Variants in LRRFIP2 observed in about 807,000 individuals in gnomAD.
LRRFIP2 encodes the protein LRR binding FLII interacting protein 2.
LRRFIP2 carries 109 observed loss-of-function variants against 125.9 expected under a neutral mutation model. The observed-to-expected ratio is 0.87, with a 90% CI of 0.74 to 1.01. LRRFIP2 has a LOEUF of 1.01. Among genes scored for constraint, LRRFIP2 ranks in the 50% least tolerant of loss-of-function variants. The pLI, the probability that LRRFIP2 is intolerant of heterozygous loss-of-function variation, is 0.00. For missense variants in LRRFIP2, 850 were observed against 862.3 expected, an observed-to-expected ratio of 0.99 and a Z score of 0.18; for synonymous variants, 291 against 293.1, an observed-to-expected ratio of 0.99 and a Z score of 0.07.
intron 4 of LRRFIP2, 81 bp from the exon 5 acceptor site, chr3:37,121,772 G>C: frequency 7.3e-7 from 1 of 1,366,514 alleles, no homozygotes; most frequent in South Asian, 1.2e-5. Flanking sequence ...AGAGCAGTCA[G>C]TTAACAGCAC....
chr3:37,092,839 CAATT>C (rs2093525082), intron 17 of LRRFIP2, among the ~76,000 whole-genome samples: 1 of 151,800 alleles, frequency 6.6e-6, no homozygotes, highest in African/African-American at 2.4e-5. Context: ...ACCCTACCGA[CAATT>C]TATTTTTTTT....
intron 15 of LRRFIP2, among the ~76,000 whole-genome samples, chr3:37,102,246 T>C (rs1464987495): frequency 6.6e-6 from 1 of 152,148 alleles, no homozygotes; most frequent in Non-Finnish European, 1.5e-5. Flanking sequence ...CAGATACATA[T>C]TGAACTATTT....
chr3:37,115,160 A>T (rs1266053288), intron 6 of LRRFIP2, 65 bp from the exon 7 acceptor site: 2 of 1,132,644 alleles, frequency 1.8e-6, no homozygotes, highest in Non-Finnish European at 2.6e-6. Context: ...GAAGAGAAGA[A>T]GTAATATTTG....
At chr3:37,115,119 G>T in intron 6 of LRRFIP2, 24 bp from the exon 7 acceptor site, 1 of 1,560,412 alleles carries the variant, frequency 6.4e-7, no homozygotes, top group Non-Finnish European at 8.8e-7. Flanking sequence ...AAACATGAAA[G>T]TTGGTTTGTT....
intron 1 of LRRFIP2, among the ~76,000 whole-genome samples, chr3:37,169,349 A>G (rs1306202615): frequency 3.3e-5 from 5 of 152,250 alleles, no homozygotes; most frequent in Non-Finnish European, 5.9e-5. Flanking sequence ...GAATCTGGCA[A>G]GACAAGAACA....
chr3:37,082,350 C>G (rs2092713634), intron 19 of LRRFIP2, among the ~76,000 whole-genome samples: 1 of 152,114 alleles, frequency 6.6e-6, no homozygotes. Flanking sequence ...ATCTAAATAC[C>G]AATCCTAAAT....
rs190438677 is a variant in LRRFIP2 at position 37,107,109 on chromosome 3, G to C, written c.714+964C>G. Among the ~76,000 whole-genome samples, 182 of 152,012 alleles carry C rather than the reference G, an allele frequency of 1.2e-3. 1 individual carries two copies. The highest frequency in any genetic ancestry group is 4.2e-3 in the African/African-American group (174 of 41,490). ...AGTAGAGGTGGGGTTTCACCATGTCGGTCAGGCTAGTCTCAAACTCCCGAT... is the reference window on the plus strand; with the variant it reads ...AGTAGAGGTGGGGTTTCACCATGTCCGTCAGGCTAGTCTCAAACTCCCGAT... On this transcript the variant is annotated intron_variant, in intron 13 of 27. Coordinates refer to ENST00000336686, the MANE Select transcript of LRRFIP2 (RefSeq NM_006309.4).
At chr3:37,068,730 A>C (rs1240979340) in intron 21 of LRRFIP2, 1 of 152,238 alleles carries the variant, frequency 6.6e-6, no homozygotes, top group African/African-American at 2.4e-5. Flanking sequence ...CCGGAAGCCA[A>C]AAGGATGTGT....
intron 21 of LRRFIP2, 57 bp from the exon 22 acceptor site, chr3:37,066,382 G>A (rs899971402): frequency 7.4e-7 from 1 of 1,342,842 alleles, no homozygotes; most frequent in African/African-American, 1.4e-5. Flanking sequence ...GCAGGTGAAA[G>A]GTAGCAGAGA....
rs572313666 is a variant in LRRFIP2 at position 37,139,841 on chromosome 3, A to G, written c.90+9053T>C. ...TCTCACCCTGGTCCAATTCTACCCTATCTTCTCTTTACAGCTAAGCTTTCT... is the reference window on the plus strand; with the variant it reads ...TCTCACCCTGGTCCAATTCTACCCTGTCTTCTCTTTACAGCTAAGCTTTCT... On this transcript the variant is annotated intron_variant, in intron 2 of 27. Transcript: ENST00000336686. 1.1e-4 allele frequency among the ~76,000 whole-genome samples: 17 copies of G among 152,176 alleles called. 1 individual carries two copies. In the South Asian group the frequency reaches 2.9e-3, roughly 26 times the overall value.
Position 37,053,881 on chromosome 3 carries a change from G to C in LRRFIP2, c.2136C>G (p.Ala712=), listed in dbSNP as rs144868848. Residue 712 remains alanine (A), a synonymous_variant, in exon 28 of 28, where the codon GCC becomes GCG. Coordinates refer to ENST00000336686, the MANE Select transcript of LRRFIP2 (RefSeq NM_006309.4). ...HLAKRLEKMK[A]NRTALLAQQ ...GCTGGGCCAGAAGTGCTGTCCTATT[G>C]GCCTTCATCTTCTCCAGCCGCTTGG... The C allele has an allele frequency of 2.5e-4, 406 of 1,613,968 alleles. 1 individual carries two copies. In the African/African-American group the frequency reaches 4.4e-3, roughly 18 times the overall value.
In LRRFIP2 at chr3:37,167,913, C is replaced by T. The variant is rs148088482; in HGVS notation, c.-56+6626G>A. The stretch of plus-strand genomic sequence containing the variant: ...AACACTTAAGCCCGGGAGGTCAAGG[C>T]TACAGTGAGCTGTGGTCGGGCCATT... On this transcript the variant is annotated intron_variant, in intron 1 of 27. Coordinates refer to ENST00000336686, the MANE Select transcript of LRRFIP2 (RefSeq NM_006309.4). Among the ~76,000 whole-genome samples the T allele has an allele frequency of 1.1e-4, 17 of 152,208 alleles. No individual in the cohort carries two copies. In the East Asian group the frequency reaches 3.3e-3, roughly 29 times the overall value.
chr3:37,066,948 T>C (rs2090284219), intron 21 of LRRFIP2: 1 of 152,344 alleles, frequency 6.6e-6, no homozygotes, highest in Non-Finnish European at 1.5e-5. Context: ...TGAGACTCAT[T>C]TGGCTTTCTG....
At position 37,060,290 on chromosome 3, in the gene LRRFIP2, T is replaced by TTTTTGTTTTG. The variant is rs146997502; in HGVS notation, c.1750-1390_1750-1381dup. ...GCTTCTGCAGCTCTCTCAAACACTG[T>TTTTTGTTTTG]TTTTGTTTTGTTTTGTTTTGTTTTG... On this transcript the variant is annotated intron_variant, in intron 24 of 27. Coordinates refer to ENST00000336686, the MANE Select transcript of LRRFIP2 (RefSeq NM_006309.4). The surrounding 1 kb of genome is among the most constrained non-coding windows in gnomAD (Gnocchi z 4.1). Among the ~76,000 whole-genome samples the TTTTTGTTTTG allele has an allele frequency of 2.0e-4, 30 of 151,800 alleles. No individual in the cohort carries two copies. The highest frequency in any genetic ancestry group is 3.2e-4 in the Non-Finnish European group (22 of 67,886).
upstream of LRRFIP2, chr3:37,175,282 A>G (rs911123033): frequency 6.6e-6 from 1 of 152,172 alleles, no homozygotes; most frequent in Non-Finnish European, 1.5e-5. Context: ...AATCCACTCT[A>G]CAATTTTTCT....
intron 19 of LRRFIP2, among the ~76,000 whole-genome samples, chr3:37,082,392 TAA>T (rs1559755405): frequency 1.3e-5 from 2 of 152,282 alleles, no homozygotes; most frequent in East Asian, 3.9e-4. Context: ...AGATTCACAG[TAA>T]AATTATGTTT....
At chr3:37,111,406 C>T (rs1333347534) in intron 8 of LRRFIP2, among the ~76,000 whole-genome samples, 1 of 152,144 alleles carries the variant, frequency 6.6e-6, no homozygotes, top group African/African-American at 2.4e-5. Flanking sequence ...CTGGCAAAGC[C>T]ACAGAAGTTA....
rs781429278 is a variant in LRRFIP2, at chr3:37,109,656, G to A, written c.561C>T (p.Asp187=). Residue 187 remains aspartate (D), a synonymous_variant, in exon 10 of 28, where the codon GAC becomes GAT. Coordinates refer to ENST00000336686, the MANE Select transcript of LRRFIP2 (RefSeq NM_006309.4). ...ACATTCCTCAGAAAGTACTAACCCT[G>A]TCACTCTTATATGTTGCCAGAGGGT... ...YSDPLATYKS[D]RASPTANSGL... 1 of 1,613,948 alleles carries A rather than the reference G, an allele frequency of 6.2e-7. No individual in the cohort carries two copies. The highest frequency in any genetic ancestry group is 1.3e-5 in the African/African-American group (1 of 74,922).
At chr3:37,165,645 G>A (rs570461211) in intron 1 of LRRFIP2, among the ~76,000 whole-genome samples, 5 of 151,688 alleles carry the variant, frequency 3.3e-5, no homozygotes, top group African/African-American at 1.2e-4. Flanking sequence ...CCATCTACTC[G>A]GGAGGCTGAG....
Sources: allele counts gnomAD v4.1 joint callset (sites outside exome capture counted in the v4.1 genomes callset), GRCh38; gene constraint gnomAD v4.1.1; non-coding constraint Gnocchi (gnomAD v3.1); transcripts MANE v1.5; gene names NCBI Gene and HGNC (gene_info 2026-07-23, HGNC 2026-07-21).